The following CSMD3 variants were observed in gnomAD, a reference collection of about 807,000 sequenced individuals.
The protein encoded by CSMD3 is CUB and Sushi multiple domains 3.
CSMD3 carries 177 observed loss-of-function variants against 435.2 expected under a neutral mutation model. The observed-to-expected ratio is 0.41, with a 90% CI of 0.36 to 0.46. The LOEUF is 0.46. CSMD3 is among the 20% of genes least tolerant of loss of function. The pLI is 0.34. For synonymous variants in CSMD3, 1,656 were observed against 1,520.5 expected (o/e 1.09, Z -2.07); for missense variants, 4,265 against 4,504.6 (o/e 0.95, Z 1.52).
chr8:113,153,084 GAAAGAAAGAAAGAAAGA>G (rs1408708311), intron 4 of CSMD3, among the ~76,000 whole-genome samples: 7 of 74,092 alleles, frequency 9.4e-5, no homozygotes, highest in East Asian at 2.2e-3. Context: ...GAAAAAGAAA[GAAAGAAAGAAAGAAAGA>G]AAAGAAAGAA....
chr8:113,055,132 C>T (rs1437565979), intron 5 of CSMD3, among the ~76,000 whole-genome samples: 2 of 152,000 alleles, frequency 1.3e-5, no homozygotes, highest in African/African-American at 2.4e-5. Flanking sequence ...ATGTTTTATT[C>T]AACACTGTAT....
At chr8:112,358,463 T>G in intron 38 of CSMD3, among the ~76,000 whole-genome samples, 1 of 152,148 alleles carries the variant, frequency 6.6e-6, no homozygotes, top group East Asian at 1.9e-4. Context: ...GGTTTGGCTG[T>G]GTCCCCACCC....
chr8:112,940,919 C>G (rs1221019519), intron 9 of CSMD3, among the ~76,000 whole-genome samples: 1 of 151,716 alleles, frequency 6.6e-6, no homozygotes, highest in African/African-American at 2.4e-5. Context: ...CTGTTTTAAT[C>G]AATTCAATTA....
chr8:113,266,179 C>CA (rs2093469186), intron 3 of CSMD3, among the ~76,000 whole-genome samples: 1 of 103,976 alleles, frequency 9.6e-6, no homozygotes, highest in African/African-American at 3.8e-5. Flanking sequence ...AACCCCTAAA[C>CA]TTAAAAAAAA....
chr8:113,171,911 G>T (rs919294590), intron 4 of CSMD3, among the ~76,000 whole-genome samples: 14 of 152,140 alleles, frequency 9.2e-5, no homozygotes, highest in Admixed American at 3.3e-4. Flanking sequence ...CTTGAGAGAC[G>T]GAGATAGTGC....
chr8:112,649,840 T>C (rs2075079229), intron 19 of CSMD3, among the ~76,000 whole-genome samples: 1 of 152,138 alleles, frequency 6.6e-6, no homozygotes, highest in Admixed American at 6.5e-5. Flanking sequence ...GACTTTCTTC[T>C]CATACAAATT....
intron 9 of CSMD3, among the ~76,000 whole-genome samples, chr8:112,947,312 T>G: frequency 6.6e-6 from 1 of 151,954 alleles, no homozygotes; most frequent in African/African-American, 2.4e-5. Context: ...GATATAAAAC[T>G]TCTACTGAAG....
intron 13 of CSMD3, among the ~76,000 whole-genome samples, chr8:112,722,733 G>T (rs1015034738): frequency 2.0e-5 from 3 of 151,976 alleles, no homozygotes; most frequent in African/African-American, 7.3e-5. Context: ...TTTCAAAATA[G>T]ACACAAGGAA....
At chr8:112,375,848 A>G (rs1006389867) in intron 38 of CSMD3, among the ~76,000 whole-genome samples, 4 of 152,170 alleles carry the variant, frequency 2.6e-5, no homozygotes, top group Non-Finnish European at 5.9e-5. Flanking sequence ...CCTATAACAA[A>G]GTCAAATTTC....
chr8:112,439,473 C>T (rs1814742235), intron 32 of CSMD3, among the ~76,000 whole-genome samples: 1 of 151,928 alleles, frequency 6.6e-6, no homozygotes, highest in Admixed American at 6.6e-5. Flanking sequence ...AGAACAGGAA[C>T]TTAATAATGA....
intron 18 of CSMD3, among the ~76,000 whole-genome samples, chr8:112,650,565 G>A (rs1272296272): frequency 2.6e-5 from 4 of 152,106 alleles, no homozygotes; most frequent in Admixed American, 2.6e-4. Flanking sequence ...ATAAGAACTT[G>A]ATGAAAATGT....
At chr8:112,406,094 G>C (rs1039155860) in intron 35 of CSMD3, among the ~76,000 whole-genome samples, 4 of 151,780 alleles carry the variant, frequency 2.6e-5, no homozygotes, top group African/African-American at 9.7e-5. Context: ...TCTTCATAAT[G>C]TGCTTATTTC....
chr8:113,210,072 C>A lies in CSMD3; in HGVS notation c.515-36156G>T, dbSNP rs568956916. On this transcript the variant is annotated intron_variant, in intron 3 of 70. Coordinates refer to ENST00000297405, the MANE Select transcript of CSMD3 (RefSeq NM_198123.2). Reference sequence around the variant, plus strand: ...ATACACAGTGTTTTCTAATTTTAAACTACATCCTTATTTTATGCTCTTGGA... The same window carrying A: ...ATACACAGTGTTTTCTAATTTTAAAATACATCCTTATTTTATGCTCTTGGA... Among the ~76,000 whole-genome samples, 69 of 147,462 alleles carry A rather than the reference C, an allele frequency of 4.7e-4. No homozygotes were observed. In the East Asian group the frequency reaches 0.013, roughly 27 times the overall value.
chr8:113,226,299 T>G (rs1296719006), intron 3 of CSMD3, among the ~76,000 whole-genome samples: 1 of 151,620 alleles, frequency 6.6e-6, no homozygotes, highest in East Asian at 1.9e-4. Context: ...ATTACATGGA[T>G]ACCAACTAAT....
intron 7 of CSMD3, 58 bp downstream of exon 7, chr8:112,975,779 T>A: frequency 6.2e-7 from 1 of 1,610,334 alleles, no homozygotes; most frequent in South Asian, 1.1e-5. Context: ...TTAGAATCAT[T>A]ACCAAAATAT....
intron 1 of CSMD3, among the ~76,000 whole-genome samples, chr8:113,413,146 C>G (rs2094566866): frequency 6.6e-6 from 1 of 152,122 alleles, no homozygotes; most frequent in African/African-American, 2.4e-5. Context: ...ACTACAATAA[C>G]TTTCCATTAT....
rs1820430296 is a variant in CSMD3, at chr8:112,297,491, A to G, written c.8441-1485T>C. Among the ~76,000 whole-genome samples, 3 of 152,074 alleles carry G rather than the reference A, an allele frequency of 2.0e-5. No individual in the cohort carries two copies. In the South Asian group the frequency reaches 6.2e-4, roughly 31 times the overall value. On this transcript the variant is annotated intron_variant, in intron 53 of 70. Transcript: ENST00000297405. Reference sequence around the variant, plus strand: ...GAAAAAATTCTATGTAATTATTTCAATCTATGCAGAAAAAGTATGTAGCAA... The same window carrying G: ...GAAAAAATTCTATGTAATTATTTCAGTCTATGCAGAAAAAGTATGTAGCAA...
intron 10 of CSMD3, among the ~76,000 whole-genome samples, chr8:112,904,143 T>C (rs1365719346): frequency 3.3e-5 from 5 of 151,360 alleles, no homozygotes; most frequent in Non-Finnish European, 5.9e-5. Context: ...AGATATTAAC[T>C]AGGCTGTCTT....
intron 5 of CSMD3, among the ~76,000 whole-genome samples, chr8:113,084,445 T>C (rs941757659): frequency 2.6e-5 from 4 of 151,776 alleles, no homozygotes; most frequent in African/African-American, 9.7e-5. Flanking sequence ...GATAAAGAAA[T>C]TGAAGATGAC....
Sources: allele counts gnomAD v4.1 joint callset (sites outside exome capture counted in the v4.1 genomes callset), GRCh38; gene constraint gnomAD v4.1.1; transcripts MANE v1.5; gene names NCBI Gene and HGNC (gene_info 2026-07-23, HGNC 2026-07-21).